Variants in RBMS3 observed in about 807,000 individuals in gnomAD.
The protein encoded by RBMS3 is RNA binding motif single stranded interacting protein 3, also known as RNA-binding motif, single-stranded-interacting protein 3.
Under a neutral mutation model 66.8 loss-of-function variants are expected in RBMS3, and 27 were observed. The ratio of observed to expected loss-of-function variants is 0.40; its 90% confidence interval spans 0.30 to 0.56. RBMS3 has a LOEUF of 0.56. Ranked by LOEUF, RBMS3 falls within the 20% of genes least tolerant of loss-of-function variation. The pLI, the probability that RBMS3 is intolerant of heterozygous loss-of-function variation, is 0.40. For synonymous variants in RBMS3, 188 were observed against 183.0 expected (o/e 1.03, Z -0.22); for missense variants, 513 against 549.5 (o/e 0.93, Z 0.66).
At chr3:29,819,738 T>C (rs2149472660) in intron 6 of RBMS3, among the ~76,000 whole-genome samples, 1 of 152,318 alleles carries the variant, frequency 6.6e-6, no homozygotes, top group African/African-American at 2.4e-5. Context: ...TTGACTGACA[T>C]TCAGGGTACT....
intron 3 of RBMS3, among the ~76,000 whole-genome samples, chr3:29,555,432 T>G (rs1369379855): frequency 2.0e-5 from 3 of 152,146 alleles, no homozygotes; most frequent in Non-Finnish European, 4.4e-5. Flanking sequence ...AGAAACAAAG[T>G]TGAAATCTGG....
chr3:29,612,426 T>C (rs1054447413), intron 4 of RBMS3, among the ~76,000 whole-genome samples: 1 of 152,084 alleles, frequency 6.6e-6, no homozygotes, highest in African/African-American at 2.4e-5. Context: ...TATCAATTTT[T>C]CCCAATCCTC....
At position 29,837,673 on chromosome 3, in the gene RBMS3, T is replaced by TAATGAAC. The variant is rs1437074454; in HGVS notation, c.638-31184_638-31183insATGAACA. ...TATATATATAATGAACATATATATATATATATATATATATATATATATATA... is the reference window on the plus strand; with the variant it reads ...TATATATATAATGAACATATATATATAATGAACATATATATATATATATATATATATA... On this transcript the variant is annotated intron_variant, in intron 6 of 14. Transcript: ENST00000383767. Among the ~76,000 whole-genome samples, 4 of 56,590 alleles carry TAATGAAC rather than the reference T, an allele frequency of 7.1e-5. No individual in the cohort carries two copies. The East Asian group carries it at 1.2e-3, about 18-fold the overall frequency. 37.1% of individuals were successfully genotyped at this position (56,590 alleles called of 152,430 possible). A position where few individuals can be genotyped will look rare whatever the true frequency, so the allele number is the denominator to read the frequency against.
At chr3:29,991,525 T>G (rs1355370193) in intron 14 of RBMS3, 11 of 256,494 alleles carry the variant, frequency 4.3e-5, no homozygotes, top group South Asian at 1.3e-4. Flanking sequence ...GCAGGCTAAT[T>G]CACATGGAAG....
At chr3:29,366,410 AG>A (rs2125592087) in intron 1 of RBMS3, among the ~76,000 whole-genome samples, 1 of 152,270 alleles carries the variant, frequency 6.6e-6, no homozygotes, top group African/African-American at 2.4e-5. Flanking sequence ...TTTTTTAAAC[AG>A]GGTCTTGCTT....
chr3:29,803,065 A>G (rs2057437850), intron 6 of RBMS3, among the ~76,000 whole-genome samples: 1 of 152,126 alleles, frequency 6.6e-6, no homozygotes, highest in South Asian at 2.1e-4. Context: ...CCTATTTGAT[A>G]CTCACAGCCC....
intron 1 of RBMS3, among the ~76,000 whole-genome samples, chr3:29,333,818 T>C (rs1375233979): frequency 2.0e-5 from 3 of 152,222 alleles, no homozygotes; most frequent in Admixed American, 6.5e-5. Flanking sequence ...ATTTTTGATA[T>C]GACAGACAGT....
At chr3:29,883,447 A>G (rs1159827244) in intron 7 of RBMS3, among the ~76,000 whole-genome samples, 4 of 152,122 alleles carry the variant, frequency 2.6e-5, no homozygotes, top group African/African-American at 9.6e-5. Flanking sequence ...ATGTACATGA[A>G]GGAACAAGGT....
Position 29,429,869 on chromosome 3 carries a change from G to C in RBMS3, c.76-4874G>C, listed in dbSNP as rs918483738. 2.0e-5 allele frequency among the ~76,000 whole-genome samples: 3 copies of C among 152,164 alleles called. No individual in the cohort carries two copies. In the East Asian group the frequency reaches 5.8e-4, roughly 29 times the overall value. On this transcript the variant is annotated intron_variant, in intron 1 of 14. Transcript: ENST00000383767. ...AGACAAAGAATTGAGAAAGGAAGCA[G>C]AGCCACTTTAATCAGTAAAGGGGCT...
intron 3 of RBMS3, among the ~76,000 whole-genome samples, chr3:29,554,967 G>T (rs973400395): frequency 6.6e-6 from 1 of 152,150 alleles, no homozygotes; most frequent in Non-Finnish European, 1.5e-5. Context: ...CAAGGTAGAA[G>T]ACTTATATCC....
At chr3:29,603,048 A>G (rs992964050) in intron 4 of RBMS3, among the ~76,000 whole-genome samples, 1 of 152,006 alleles carries the variant, frequency 6.6e-6, no homozygotes, top group Non-Finnish European at 1.5e-5. Context: ...ACGGGAGACT[A>G]TTGGATTACT....
chr3:29,698,456 G>A (rs1254484830), intron 4 of RBMS3: 1 of 985,222 alleles, frequency 1.0e-6, no homozygotes, highest in Non-Finnish European at 1.2e-6. Flanking sequence ...GAGAAATACA[G>A]TCTTTGGAGG....
chr3:29,389,761 G>A (rs1266225754), intron 1 of RBMS3, among the ~76,000 whole-genome samples: 4 of 152,162 alleles, frequency 2.6e-5, no homozygotes, highest in Non-Finnish European at 5.9e-5. Flanking sequence ...AGTAGTGGCA[G>A]TCTTTATTCT....
intron 8 of RBMS3, among the ~76,000 whole-genome samples, chr3:29,891,182 A>T (rs926225963): frequency 1.3e-5 from 2 of 151,626 alleles, no homozygotes; most frequent in Non-Finnish European, 3.0e-5. Flanking sequence ...ATACAGAAAC[A>T]TGACACTGAA....
intron 4 of RBMS3, chr3:29,698,728 T>TAAAC: frequency 7.8e-6 from 4 of 514,366 alleles, no homozygotes; most frequent in Non-Finnish European, 1.0e-5. Flanking sequence ...TCTTAATGTT[T>TAAAC]ATTAAGGAGA....
Position 29,540,609 on chromosome 3 carries a change from C to T in RBMS3, c.308-46505C>T, listed in dbSNP as rs201893343. Among the ~76,000 whole-genome samples the T allele has an allele frequency of 1.4e-4, 22 of 152,232 alleles. No homozygotes were observed. The East Asian group carries it at 4.3e-3, about 29-fold the overall frequency. On this transcript the variant is annotated intron_variant, in intron 3 of 14. Transcript: ENST00000383767. ...GTTACTATATTGATATAGTAACTCTCGAACACAGATTAAATTATAATCCTC... is the reference window on the plus strand; with the variant it reads ...GTTACTATATTGATATAGTAACTCTTGAACACAGATTAAATTATAATCCTC...
chr3:29,910,698 T>A (rs764197684), intron 10 of RBMS3, among the ~76,000 whole-genome samples: 3 of 151,680 alleles, frequency 2.0e-5, no homozygotes, highest in African/African-American at 2.4e-5. Flanking sequence ...GTCAACCAAT[T>A]AGGGTGTAGG....
At chr3:29,580,477 A>G (rs960363222) in intron 3 of RBMS3, among the ~76,000 whole-genome samples, 5 of 152,090 alleles carry the variant, frequency 3.3e-5, no homozygotes, top group Admixed American at 6.5e-5. Flanking sequence ...CATACATACT[A>G]TACGGTATAA....
At chr3:29,778,824 G>T (rs1461736100) in intron 6 of RBMS3, among the ~76,000 whole-genome samples, 1 of 151,872 alleles carries the variant, frequency 6.6e-6, no homozygotes, top group Non-Finnish European at 1.5e-5. Flanking sequence ...AATGTTTCTG[G>T]TAAATACTAA....
Sources: gnomAD v4.1 joint callset for allele counts (sites outside exome capture counted in the v4.1 genomes callset) on GRCh38, gnomAD v4.1.1 for gene constraint, MANE v1.5 for transcripts, NCBI Gene and HGNC (gene_info 2026-07-23, HGNC 2026-07-21) for gene names.